Variants in ATP6V1C2 observed in about 807,000 individuals in gnomAD.
The protein encoded by ATP6V1C2 is ATPase H+ transporting V1 subunit C2.
ATP6V1C2 carries 45 observed loss-of-function variants against 56.8 expected under a neutral mutation model. That is an observed-to-expected ratio of 0.79 (90% CI 0.62 to 1.02). The LOEUF (loss-of-function observed/expected upper bound fraction) is 1.02. Ranked by LOEUF, ATP6V1C2 falls within the 50% of genes least tolerant of loss-of-function variation. The probability of loss-of-function intolerance (pLI) is 0.00; values close to 1 mark genes in which losing one functional copy is unlikely to be tolerated. For synonymous variants in ATP6V1C2, 220 were observed against 201.3 expected (o/e 1.09, Z -0.79); for missense variants, 463 against 519.7 (o/e 0.89, Z 1.06).
chr2:10,755,363 G>A lies in ATP6V1C2; in HGVS notation c.283+1297G>A, dbSNP rs970593479. Among the ~76,000 whole-genome samples, 12 of 152,044 alleles carry A rather than the reference G, an allele frequency of 7.9e-5. No homozygotes were observed. In the South Asian group the frequency reaches 2.5e-3, roughly 32 times the overall value. On this transcript the variant is annotated intron_variant, in intron 4 of 13. Transcript: ENST00000272238. ...ACCTGGCTAATATTTTTTATTTTTT[G>A]TAGAGATGGGGTCTCGCAATGTCGC...
chr2:10,749,142 A>G (rs2148450331), intron 3 of ATP6V1C2, among the ~76,000 whole-genome samples: 1 of 151,792 alleles, frequency 6.6e-6, no homozygotes, highest in East Asian at 1.9e-4. Flanking sequence ...AAAAAAAAAA[A>G]AAAAAAAAGA....
chr2:10,747,905 G>A (rs1663010243), intron 3 of ATP6V1C2, among the ~76,000 whole-genome samples: 1 of 151,400 alleles, frequency 6.6e-6, no homozygotes, highest in Non-Finnish European at 1.5e-5. Context: ...TTGTTACCCA[G>A]GCTGGAGTGC....
rs888769264 is a variant in ATP6V1C2 at position 10,722,760 on chromosome 2, G to A, written c.-26-64G>A. 15 of 1,525,406 alleles carry A rather than the reference G, an allele frequency of 9.8e-6. No homozygotes were observed. In the East Asian group the frequency reaches 1.6e-4, roughly 16 times the overall value. The allele number at this position is 1,525,406 out of a possible 1,614,324, so 94.5% of individuals were successfully genotyped here. ...ATTGGAGGGTAGGGAGTGGTGAGGC[G>A]GGGATATCTGACACATCTCTCCTTC... is the stretch of plus-strand genomic sequence containing the variant. On this transcript the variant is annotated intron_variant, in intron 1 of 13. Coordinates refer to ENST00000272238, the MANE Select transcript of ATP6V1C2 (RefSeq NM_001039362.2).
intron 3 of ATP6V1C2, among the ~76,000 whole-genome samples, chr2:10,740,249 G>C (rs895277914): frequency 6.6e-6 from 1 of 152,168 alleles, no homozygotes; most frequent in Non-Finnish European, 1.5e-5. Context: ...AGCTTGGTTC[G>C]TGTACCTGGC....
chr2:10,726,991 C>T (rs918118102), intron 3 of ATP6V1C2, among the ~76,000 whole-genome samples: 1 of 152,106 alleles, frequency 6.6e-6, no homozygotes, highest in Non-Finnish European at 1.5e-5. Context: ...TCAGGAGACT[C>T]GCTTGAGCCC....
At chr2:10,743,916 G>A (rs1428377843) in intron 3 of ATP6V1C2, among the ~76,000 whole-genome samples, 4 of 151,688 alleles carry the variant, frequency 2.6e-5, no homozygotes, top group African/African-American at 9.7e-5. Context: ...ACCCGGAGGC[G>A]GAGGTTGCAG....
Position 10,755,235 on chromosome 2 carries a change from C to A in ATP6V1C2, c.283+1169C>A, listed in dbSNP as rs1316270079. Among the ~76,000 whole-genome samples the A allele has an allele frequency of 7.4e-4, 112 of 151,834 alleles. 1 individual carries two copies. The highest frequency in any genetic ancestry group is 2.9e-5 in the Non-Finnish European group (2 of 68,020). Reference sequence around the variant, plus strand: ...ATTTTTAGTAGAGACGGGGTTTCTCCATGTTGGTCAGGCTGGTCTCGAACT... The same window carrying A: ...ATTTTTAGTAGAGACGGGGTTTCTCAATGTTGGTCAGGCTGGTCTCGAACT... On this transcript the variant is annotated intron_variant, in intron 4 of 13. Transcript: ENST00000272238.
chr2:10,738,672 A>G (rs751008754), intron 3 of ATP6V1C2, among the ~76,000 whole-genome samples: 1 of 152,150 alleles, frequency 6.6e-6, no homozygotes, highest in Non-Finnish European at 1.5e-5. Flanking sequence ...GCAACCTCCC[A>G]TGGTCCTTTT....
At chr2:10,749,954 A>C (rs1356841905) in intron 3 of ATP6V1C2, among the ~76,000 whole-genome samples, 3 of 152,224 alleles carry the variant, frequency 2.0e-5, no homozygotes, top group African/African-American at 7.2e-5. Flanking sequence ...TTCTCCCGTG[A>C]AAAGGTGTTC....
chr2:10,774,700 T>G lies in ATP6V1C2; in HGVS notation c.639-88T>G, dbSNP rs554946815. On this transcript the variant is annotated intron_variant, in intron 8 of 13. Transcript: ENST00000272238. ...CTCAGCTGCTGCCATGGACCCCAGG[T>G]GCAGGCCACCAGGCCCGGGGCCTCT... 3 of 1,129,234 alleles carry G rather than the reference T, an allele frequency of 2.7e-6. No individual in the cohort carries two copies. The African/African-American group carries it at 4.6e-5, about 17-fold the overall frequency. The allele number at this position is 1,129,234 out of a possible 1,614,324, so 70.0% of individuals were successfully genotyped here.
At chr2:10,741,064 A>G (rs1057016491) in intron 3 of ATP6V1C2, among the ~76,000 whole-genome samples, 6 of 152,216 alleles carry the variant, frequency 3.9e-5, no homozygotes, top group Non-Finnish European at 5.9e-5. Context: ...AGCTTGGCCA[A>G]TGAGAATTCC....
rs548350450 is a variant in ATP6V1C2, at chr2:10,776,050, C to T, written c.825+979C>T. Among the ~76,000 whole-genome samples, 214 of 152,206 alleles carry T rather than the reference C, an allele frequency of 1.4e-3. 1 individual carries two copies. The highest frequency in any genetic ancestry group is 4.9e-3 in the African/African-American group (204 of 41,546). On this transcript the variant is annotated intron_variant, in intron 10 of 13. Transcript: ENST00000272238. ...GTGTGTGCTCCGGGCTCCTGGGGAC[C>T]TGGCCTGTCTGTCAGCGACCTTTTT...
At chr2:10,741,493 G>A (rs897129897) in intron 3 of ATP6V1C2, among the ~76,000 whole-genome samples, 2 of 152,174 alleles carry the variant, frequency 1.3e-5, no homozygotes, top group Non-Finnish European at 2.9e-5. Context: ...GGCCCCTCTT[G>A]TGTGGCTGCA....
chr2:10,777,523 T>C, intron 10 of ATP6V1C2, 62 bp from the exon 11 acceptor site: 2 of 1,580,836 alleles, frequency 1.3e-6, no homozygotes. Flanking sequence ...GCGATGAGAA[T>C]GATTTATTTG....
chr2:10,724,772 A>G (rs1661548758), intron 2 of ATP6V1C2, among the ~76,000 whole-genome samples: 1 of 151,408 alleles, frequency 6.6e-6, no homozygotes. Flanking sequence ...TCCTGGGTTC[A>G]AGTGATTCTC....
At chr2:10,766,682 C>T (rs911365170) in intron 5 of ATP6V1C2, among the ~76,000 whole-genome samples, 9 of 152,010 alleles carry the variant, frequency 5.9e-5, no homozygotes, top group Non-Finnish European at 8.8e-5. Flanking sequence ...TGCACTATGA[C>T]GGTATAGTGC....
chr2:10,753,289 T>C (rs1464144804), intron 3 of ATP6V1C2, among the ~76,000 whole-genome samples: 1 of 152,204 alleles, frequency 6.6e-6, no homozygotes, highest in Non-Finnish European at 1.5e-5. Flanking sequence ...ACACGCCTTG[T>C]TCCACAGTAT....
At chr2:10,769,148 CG>C (rs1558417979) in intron 6 of ATP6V1C2, among the ~76,000 whole-genome samples, 2 of 152,220 alleles carry the variant, frequency 1.3e-5, no homozygotes, top group African/African-American at 4.8e-5. Context: ...CCAGGGGTGA[CG>C]GGAGGCCAGG....
intron 1 of ATP6V1C2, 67 bp from the exon 2 acceptor site, chr2:10,722,757 G>A: frequency 5.3e-6 from 8 of 1,512,566 alleles, no homozygotes; most frequent in Non-Finnish European, 7.2e-6. Flanking sequence ...GGAGTGGTGA[G>A]GCGGGGATAT....
Sources: allele counts gnomAD v4.1 joint callset (sites outside exome capture counted in the v4.1 genomes callset), GRCh38; gene constraint gnomAD v4.1.1; transcripts MANE v1.5; gene names NCBI Gene and HGNC (gene_info 2026-07-23, HGNC 2026-07-21).